The following PRRX2 variants were observed in gnomAD, a reference collection of about 807,000 sequenced individuals.
The protein encoded by PRRX2 is paired related homeobox 2, also known as paired mesoderm homeobox protein 2.
PRRX2 carries 11 observed loss-of-function variants against 18.0 expected under a neutral mutation model. That is an observed-to-expected ratio of 0.61 (90% confidence interval 0.39 to 1.01). PRRX2 has a LOEUF of 1.01. PRRX2 is among the 50% of genes least tolerant of loss of function. The pLI is 0.01. For synonymous variants in PRRX2, 177 were observed against 154.8 expected (o/e 1.14, Z -1.06); for missense variants, 387 against 351.0 (o/e 1.10, Z -0.82).
chr9:129,715,605 A>T lies in PRRX2; in HGVS notation c.260-3626A>T, dbSNP rs187052307. On this transcript the variant is annotated intron_variant, in intron 1 of 3. Coordinates refer to ENST00000372469, the MANE Select transcript of PRRX2 (RefSeq NM_016307.4). This position sits in a 1 kb window ranked among gnomAD's most constrained non-coding sequence, Gnocchi z 4.0. The stretch of plus-strand genomic sequence containing the variant: ...GACCCTGTCTCAAAAAATAAAAAAG[A>T]TATTTAGCAGCACTCCTGGCCTCTT... Among the ~76,000 whole-genome samples the T allele has an allele frequency of 6.6e-6, 1 of 152,186 alleles. No homozygotes were observed. Among genetic ancestry groups the T allele is most frequent in the African/African-American group, 2.4e-5 (1 of 41,496 alleles).
rs1237942304 is a variant in PRRX2 at position 129,722,474 on chromosome 9, TC to T, written c.*125del. 1.7e-6 allele frequency: 2 copies of T among 1,186,146 alleles called. No individual in the cohort carries two copies. Among genetic ancestry groups the T allele is most frequent in the Non-Finnish European group, 2.2e-6 (2 of 916,324 alleles). The allele number at this position is 1,186,146 out of a possible 1,614,324, so 73.5% of individuals were successfully genotyped here. On this transcript the variant is annotated 3_prime_UTR_variant, in exon 4 of 4. Transcript: ENST00000372469. ...CCTGGCCCGTCTGTCCAGCCTGGAC[TC>T]CCGAGCCCACGAGGCTGTTGAGGCC...
chr9:129,684,616 A>G (rs1248095278), intron 1 of PRRX2, among the ~76,000 whole-genome samples: 1 of 152,090 alleles, frequency 6.6e-6, no homozygotes, highest in Non-Finnish European at 1.5e-5. Context: ...AACCAATCAT[A>G]TGGCCAAGAG....
chr9:129,703,516 C>G (rs555375161), intron 1 of PRRX2, among the ~76,000 whole-genome samples: 1 of 152,190 alleles, frequency 6.6e-6, no homozygotes, highest in African/African-American at 2.4e-5. Flanking sequence ...CACCCCTGAT[C>G]ACTGGCAGTG....
chr9:129,675,689 C>T lies in PRRX2; in HGVS notation c.259+9563C>T, dbSNP rs79213576. On this transcript the variant is annotated intron_variant, in intron 1 of 3. Transcript: ENST00000372469. This position sits in a 1 kb window ranked among gnomAD's most constrained non-coding sequence, Gnocchi z 4.4. ...CCTCCCTTCTTGCCGTGGGCGCAGACGTTTACACGCCAGAGATGGCGTTAT... is the reference window on the plus strand; with the variant it reads ...CCTCCCTTCTTGCCGTGGGCGCAGATGTTTACACGCCAGAGATGGCGTTAT... Among the ~76,000 whole-genome samples the T allele has an allele frequency of 0.03, 4,529 of 151,904 alleles. 212 individuals carry two copies. The highest frequency in any genetic ancestry group is 0.1 in the African/African-American group (4,287 of 41,386).
chr9:129,673,652 C>CCACACACACACACACA (rs3054761), intron 1 of PRRX2, among the ~76,000 whole-genome samples: 112 of 149,326 alleles, frequency 7.5e-4, no homozygotes, highest in Non-Finnish European at 1.1e-3. Flanking sequence ...ACCCCCCATG[C>CCACACACACACACACA]CACACACACA....
At chr9:129,669,435 C>T (rs898192104) in intron 1 of PRRX2, among the ~76,000 whole-genome samples, 2 of 152,240 alleles carry the variant, frequency 1.3e-5, no homozygotes, top group Non-Finnish European at 2.9e-5. Context: ...TTCTCTAAAG[C>T]ATTCCCTCCT....
At chr9:129,716,437 C>G (rs1832707176) in intron 1 of PRRX2, among the ~76,000 whole-genome samples, 1 of 150,486 alleles carries the variant, frequency 6.6e-6, no homozygotes, top group Admixed American at 6.6e-5. Context: ...GTGAACAGTA[C>G]ATACTATGCT....
chr9:129,703,291 C>T (rs985500127), intron 1 of PRRX2, among the ~76,000 whole-genome samples: 4 of 152,174 alleles, frequency 2.6e-5, no homozygotes, highest in African/African-American at 4.8e-5. Context: ...GGAGTCTGAA[C>T]GGTCTCTGCG....
At chr9:129,697,517 C>G (rs999314688) in intron 1 of PRRX2, among the ~76,000 whole-genome samples, 1 of 151,152 alleles carries the variant, frequency 6.6e-6, no homozygotes, top group Non-Finnish European at 1.5e-5. Context: ...CCGCTCTGGC[C>G]GCCACCAGCG....
In PRRX2 at chr9:129,688,284, G is replaced by A. The variant is rs576713309; in HGVS notation, c.259+22158G>A. Among the ~76,000 whole-genome samples, 333 of 152,088 alleles carry A rather than the reference G, an allele frequency of 2.2e-3. 3 individuals are homozygous for A. The highest frequency in any genetic ancestry group is 7.9e-3 in the African/African-American group (327 of 41,488). On this transcript the variant is annotated intron_variant, in intron 1 of 3. Coordinates refer to ENST00000372469, the MANE Select transcript of PRRX2 (RefSeq NM_016307.4). ...TCACTCTGTTGCCCAAGCTGGTCTT[G>A]AACTCTTGGACTCAAGCGATCCTCC...
chr9:129,722,262 A>C lies in PRRX2; in HGVS notation c.672A>C (p.Pro224=). The change falls in exon 4 of 4, where the codon CCA becomes CCC. Residue 224 remains proline (P), a synonymous_variant. Coordinates refer to ENST00000372469, the MANE Select transcript of PRRX2 (RefSeq NM_016307.4). ...CTGGGAGCTCAGGCCCCGCAACCCCAGGGGTCAACATGGCCAACAGCATCG... is the reference window on the plus strand; with the variant it reads ...CTGGGAGCTCAGGCCCCGCAACCCCCGGGGTCAACATGGCCAACAGCATCG... ...YSPGSSGPAT[P]GVNMANSIAS... 1 of 1,613,978 alleles carries C rather than the reference A, an allele frequency of 6.2e-7. No individual in the cohort carries two copies. Among genetic ancestry groups the C allele is most frequent in the South Asian group, 1.1e-5 (1 of 91,076 alleles).
At chr9:129,704,851 A>G (rs1832538279) in intron 1 of PRRX2, among the ~76,000 whole-genome samples, 1 of 152,164 alleles carries the variant, frequency 6.6e-6, no homozygotes, top group Admixed American at 6.5e-5. Context: ...CCTCACCCCA[A>G]GTTCCCAACT....
chr9:129,720,009 CAAATAA>C (rs1564156993), intron 2 of PRRX2, among the ~76,000 whole-genome samples: 2 of 151,838 alleles, frequency 1.3e-5, no homozygotes, highest in African/African-American at 2.4e-5. Flanking sequence ...AACAAACAAA[CAAATAA>C]AAATAAATTT....
intron 1 of PRRX2, among the ~76,000 whole-genome samples, chr9:129,702,961 T>C (rs1341072155): frequency 6.6e-6 from 1 of 152,246 alleles, no homozygotes; most frequent in Non-Finnish European, 1.5e-5. Context: ...TAGAGTCCTG[T>C]GTGCTGCCCT....
At chr9:129,677,133 A>G (rs139461943) in intron 1 of PRRX2, among the ~76,000 whole-genome samples, 2,002 of 152,354 alleles carry the variant, frequency 0.013, 27 homozygotes, top group Admixed American at 0.019. Context: ...GGAAAATCCC[A>G]GTGAACAGGC....
At chr9:129,693,060 G>A (rs1434085425) in intron 1 of PRRX2, among the ~76,000 whole-genome samples, 2 of 152,148 alleles carry the variant, frequency 1.3e-5, no homozygotes, top group Non-Finnish European at 2.9e-5. Context: ...GCCAGCATTT[G>A]GTTGTCAGTG....
chr9:129,686,832 A>C lies in PRRX2; in HGVS notation c.259+20706A>C, dbSNP rs114623377. Reference sequence around the variant, plus strand: ...AGGCCCCTCCCCTCCCTTCCAGAAAATACTCCAATGTCCTTATTTTTTCGG... The same window carrying C: ...AGGCCCCTCCCCTCCCTTCCAGAAACTACTCCAATGTCCTTATTTTTTCGG... On this transcript the variant is annotated intron_variant, in intron 1 of 3. Transcript: ENST00000372469. Among the ~76,000 whole-genome samples the C allele has an allele frequency of 5.6e-3, 848 of 152,030 alleles. 6 individuals carry two copies. Among genetic ancestry groups the C allele is most frequent in the African/African-American group, 0.019 (784 of 41,454 alleles).
At chr9:129,719,452 G>C (rs750242493) in intron 2 of PRRX2, 34 bp downstream of exon 2, 2 of 1,460,744 alleles carry the variant, frequency 1.4e-6, no homozygotes, top group Non-Finnish European at 1.8e-6. Flanking sequence ...CCGTGGGAGC[G>C]TGCGCGTGGG....
chr9:129,691,096 G>A (rs979446360), intron 1 of PRRX2, among the ~76,000 whole-genome samples: 5 of 151,202 alleles, frequency 3.3e-5, no homozygotes, highest in East Asian at 2.0e-4. Flanking sequence ...AGGCTGAGGC[G>A]GGTGGATCAC....
Sources: allele counts gnomAD v4.1 joint callset (sites outside exome capture counted in the v4.1 genomes callset), GRCh38; gene constraint gnomAD v4.1.1; non-coding constraint Gnocchi (gnomAD v3.1); transcripts MANE v1.5; gene names NCBI Gene and HGNC (gene_info 2026-07-23, HGNC 2026-07-21).